CEP95: variants seen among roughly 807,000 people sequenced by gnomAD.
CEP95 encodes centrosomal protein of 95 kDa.
A neutral mutation model predicts 111.2 loss-of-function variants in CEP95; 98 were observed. The observed-to-expected ratio is 0.88, with a 90% CI of 0.75 to 1.04. CEP95 has a LOEUF of 1.04. Among genes scored for constraint, CEP95 ranks in the 50% least tolerant of loss-of-function variants. The pLI, the probability that CEP95 is intolerant of heterozygous loss-of-function variation, is 0.00. For synonymous variants in CEP95, 323 were observed against 327.1 expected (o/e 0.99, Z 0.14); for missense variants, 1,027 against 977.2 (o/e 1.05, Z -0.68).
rs782521922 is a variant in CEP95, at chr17:64,532,864, G to A, written c.1698G>A (p.Leu566=). Residue 566 remains leucine (L), a synonymous_variant, in exon 15 of 20, where the codon CTG becomes CTA. Coordinates refer to ENST00000556440, the MANE Select transcript of CEP95 (RefSeq NM_138363.3). The part of the protein sequence containing the change: ...VPMKVSEHSL[L]PLMLEQFPFL... ...TGAAAGTAAGTGAACACAGTCTCCT[G>A]CCCCTTATGCTGGAGCAGTTTCCGT... The A allele has an allele frequency of 6.2e-7, 1 of 1,612,762 alleles. No homozygotes were observed. The highest frequency in any genetic ancestry group is 8.5e-7 in the Non-Finnish European group (1 of 1,179,622).
chr17:64,507,967 A>G (rs2038660837), intron 1 of CEP95: 1 of 985,442 alleles, frequency 1.0e-6, no homozygotes. Flanking sequence ...AAACGTCAAC[A>G]GTATTGATAA....
intron 1 of CEP95, chr17:64,507,459 A>G (rs1322811518): frequency 7.7e-7 from 1 of 1,304,140 alleles, no homozygotes; most frequent in Non-Finnish European, 9.8e-7. Context: ...CCCTTGCACT[A>G]TGGGCCCTGA....
Position 64,506,979 on chromosome 17 carries a change from T to C in CEP95, c.-119T>C. 2 of 1,149,748 alleles carry C rather than the reference T, an allele frequency of 1.7e-6. No homozygotes were observed. 71.2% of individuals were successfully genotyped at this position (1,149,748 alleles called of 1,614,324 possible). Reference sequence around the variant, plus strand: ...CGTCCGTCCTTCTTTCACGCCTCCTTCCCCGCGCTTTGGTTCGTGCGTCCG... The same window carrying C: ...CGTCCGTCCTTCTTTCACGCCTCCTCCCCCGCGCTTTGGTTCGTGCGTCCG... On this transcript the variant is annotated 5_prime_UTR_variant, in exon 1 of 20. Transcript: ENST00000556440.
At chr17:64,510,054 G>T (rs1417202163) in intron 2 of CEP95, 119 bp from the exon 3 acceptor site, 2 of 644,436 alleles carry the variant, frequency 3.1e-6, no homozygotes, top group Non-Finnish European at 5.6e-6. Context: ...TTTACAGCAT[G>T]TTCTGTTTGG....
At chr17:64,520,778 T>C (rs1555677506) in intron 6 of CEP95, among the ~76,000 whole-genome samples, 2 of 152,206 alleles carry the variant, frequency 1.3e-5, no homozygotes, top group Admixed American at 6.6e-5. Context: ...ACCCTAACTC[T>C]GGTGTCTATT....
intron 17 of CEP95, 35 bp downstream of exon 17, chr17:64,534,772 A>T: frequency 1.3e-6 from 2 of 1,569,140 alleles, no homozygotes; most frequent in South Asian, 1.1e-5. Flanking sequence ...CCTGTTAAGA[A>T]GGTGAACTTT....
rs2038831069 is a variant in CEP95 at position 64,510,414 on chromosome 17, C to A, written c.256+134C>A. On this transcript the variant is annotated intron_variant, in intron 3 of 19. Coordinates refer to ENST00000556440, the MANE Select transcript of CEP95 (RefSeq NM_138363.3). ...AATTGTAAGATTGAGCTAAGACAAT[C>A]AACTGATAGAGGTCAGGTCCATACA... 3.8e-5 allele frequency: 24 copies of A among 631,622 alleles called. No individual in the cohort carries two copies. The South Asian group carries it at 4.2e-4, about 11-fold the overall frequency. The allele number at this position is 631,622 out of a possible 1,614,324, so 39.1% of individuals were successfully genotyped here.
intron 10 of CEP95, 42 bp from the exon 11 acceptor site, chr17:64,527,069 G>C (rs781856611): frequency 6.4e-7 from 1 of 1,564,924 alleles, no homozygotes; most frequent in Non-Finnish European, 8.7e-7. Context: ...TTTACATTCT[G>C]CTGAAATCAG....
intron 19 of CEP95, 129 bp downstream of exon 19, chr17:64,537,241 T>A: frequency 1.4e-6 from 2 of 1,439,834 alleles, no homozygotes; most frequent in East Asian, 5.0e-5. Context: ...GACTGTACTC[T>A]CTAGGTTTGT....
chr17:64,527,975 TC>T (rs1268207496), intron 11 of CEP95, among the ~76,000 whole-genome samples: 5 of 151,724 alleles, frequency 3.3e-5, no homozygotes, highest in African/African-American at 7.3e-5. Context: ...CTATAAAAAT[TC>T]TGCAATGAAC....
chr17:64,517,396 T>G (rs187342768), intron 5 of CEP95, among the ~76,000 whole-genome samples: 28 of 152,242 alleles, frequency 1.8e-4, no homozygotes, highest in African/African-American at 6.5e-4. Context: ...TGCAAAAAAC[T>G]TGCAAAATAG....
At chr17:64,517,019 A>G (rs1168666548) in intron 5 of CEP95, among the ~76,000 whole-genome samples, 191 bp downstream of exon 5, 2 of 152,160 alleles carry the variant, frequency 1.3e-5, no homozygotes, top group Admixed American at 1.3e-4. Flanking sequence ...AAATCTCAGT[A>G]TCAACTATCT....
intron 10 of CEP95, among the ~76,000 whole-genome samples, chr17:64,526,443 CAT>C (rs1220570626): frequency 6.6e-6 from 1 of 152,170 alleles, no homozygotes; most frequent in Non-Finnish European, 1.5e-5. Flanking sequence ...AATCATTTAA[CAT>C]AAACGATTAT....
Position 64,537,609 on chromosome 17 carries a change from C to T in CEP95, c.2296C>T (p.His766Tyr). 6.2e-7 allele frequency: 1 copy of T among 1,601,356 alleles called. No individual in the cohort carries two copies. The highest frequency in any genetic ancestry group is 8.5e-7 in the Non-Finnish European group (1 of 1,172,040). ...ACATGCCTTCTTTTTTCAGACATTA[C>T]ATAAGGTGAAGAGGGAGCTGAGATC... ...AREKSQAQTL[H>Y]KVKRELRSKM... Residue 766 changes from histidine (H) to tyrosine (Y), a missense_variant, in exon 20 of 20, where the codon CAT (histidine) becomes TAT (tyrosine). Transcript: ENST00000556440.
Position 64,522,837 on chromosome 17 carries a change from A to G in CEP95, c.851A>G (p.His284Arg), listed in dbSNP as rs1287437538. ...TGCCCCATAGGAAAAGAATACTTGC[A>G]TTCAAGTCACTGCTCCCCAGCCGTA... ...APCPIGKEYLHSSHCSPAVNS... is the reference protein window; with the variant it reads ...APCPIGKEYLRSSHCSPAVNS... Residue 284 changes from histidine to arginine, a missense_variant, in exon 8 of 20, where the codon CAT becomes CGT. By Grantham distance (29) the His-to-Arg change is conservative. Transcript: ENST00000556440. The G allele has an allele frequency of 6.2e-7, 1 of 1,613,462 alleles. No individual in the cohort carries two copies. Among genetic ancestry groups the G allele is most frequent in the Non-Finnish European group, 8.5e-7 (1 of 1,179,828 alleles).
intron 17 of CEP95, 61 bp from the exon 18 acceptor site, chr17:64,536,541 A>C: frequency 1.6e-6 from 2 of 1,253,368 alleles, no homozygotes; most frequent in Non-Finnish European, 2.3e-6. Flanking sequence ...ATCAGTATAT[A>C]CCTCTAGTTG....
intron 19 of CEP95, 73 bp from the exon 20 acceptor site, chr17:64,537,530 A>T: frequency 1.4e-6 from 2 of 1,469,036 alleles, no homozygotes; most frequent in Non-Finnish European, 1.8e-6. Context: ...TAGCTGGAAG[A>T]TGGAGAGGGA....
intron 4 of CEP95, among the ~76,000 whole-genome samples, chr17:64,516,329 A>G (rs1188359077): frequency 6.6e-6 from 1 of 152,198 alleles, no homozygotes; most frequent in Non-Finnish European, 1.5e-5. Flanking sequence ...CCAAGCCCTG[A>G]TACAGCCTGA....
Position 64,508,707 on chromosome 17 carries a change from A to T in CEP95, c.135A>T (p.Gly45=), listed in dbSNP as rs782158647. Residue 45 remains glycine, a synonymous_variant, in exon 2 of 20, where the codon GGA becomes GGT. Coordinates refer to ENST00000556440, the MANE Select transcript of CEP95 (RefSeq NM_138363.3). Reference sequence around the variant, plus strand: ...TTGCTCTTTATCAGTCTATTTTGGGAGAAAAGGTACCAGGTAAGAATACTA... The same window carrying T: ...TTGCTCTTTATCAGTCTATTTTGGGTGAAAAGGTACCAGGTAAGAATACTA... ...VFIALYQSIL[G]EKVPDLIVIP... is the part of the protein sequence containing the mutation. The T allele has an allele frequency of 1.4e-6, 2 of 1,407,434 alleles. No homozygotes were observed. The highest frequency in any genetic ancestry group is 1.9e-6 in the Non-Finnish European group (2 of 1,070,366). The allele number at this position is 1,407,434 out of a possible 1,614,324, so 87.2% of individuals were successfully genotyped here.
Sources: gnomAD v4.1 joint callset for allele counts (sites outside exome capture counted in the v4.1 genomes callset) on GRCh38, gnomAD v4.1.1 for gene constraint, MANE v1.5 for transcripts, NCBI Gene and HGNC (gene_info 2026-07-23, HGNC 2026-07-21) for gene names.